The following FYN variants were observed in gnomAD, a reference collection of about 807,000 sequenced individuals.
FYN encodes the protein FYN proto-oncogene, Src family tyrosine kinase.
FYN carries 10 observed loss-of-function variants against 70.2 expected under a neutral mutation model. The observed-to-expected ratio is 0.14, with a 90% CI of 0.09 to 0.24. FYN has a LOEUF of 0.24. Ranked by LOEUF, FYN falls within the 10% of genes least tolerant of loss-of-function variation. The pLI, the probability that FYN is intolerant of heterozygous loss-of-function variation, is 1.00. For missense variants in FYN, 319 were observed against 673.1 expected (o/e 0.47, Z 5.82); for synonymous variants, 236 against 248.6 (o/e 0.95, Z 0.48).
intron 2 of FYN, among the ~76,000 whole-genome samples, chr6:111,799,921 T>C (rs1241270139): frequency 5.9e-5 from 9 of 152,238 alleles, no homozygotes; most frequent in Admixed American, 4.6e-4. Context: ...TGGTTAAATA[T>C]GGACAAACCT....
At chr6:111,700,330 C>A in intron 8 of FYN, 62 bp from the exon 9 acceptor site, 1 of 1,566,044 alleles carries the variant, frequency 6.4e-7, no homozygotes, top group South Asian at 1.1e-5. Flanking sequence ...AATGACAACA[C>A]TCATAAGTGT....
intron 2 of FYN, chr6:111,798,484 T>C (rs746981178): frequency 8.5e-5 from 13 of 152,210 alleles, no homozygotes; most frequent in Non-Finnish European, 1.8e-4. Flanking sequence ...GTGCCTGTCA[T>C]GCTCCTGGCA....
intron 3 of FYN, among the ~76,000 whole-genome samples, chr6:111,722,517 C>T (rs1045188862): frequency 1.3e-5 from 2 of 152,218 alleles, no homozygotes; most frequent in African/African-American, 2.4e-5. Context: ...ACAGAAAACA[C>T]TTCTTGTCCC....
intron 1 of FYN, among the ~76,000 whole-genome samples, chr6:111,870,979 A>C (rs1774254803): frequency 6.6e-6 from 1 of 152,216 alleles, no homozygotes; most frequent in African/African-American, 2.4e-5. Flanking sequence ...AAGTTCCACG[A>C]TGAATGTTCT....
At chr6:111,758,438 G>A (rs972908331) in intron 3 of FYN, among the ~76,000 whole-genome samples, 1 of 152,104 alleles carries the variant, frequency 6.6e-6, no homozygotes, top group Non-Finnish European at 1.5e-5. Flanking sequence ...TACACTAGGG[G>A]TGTATATTAA....
Position 111,785,244 on chromosome 6 carries a change from A to G in FYN, c.-81-4609T>C, listed in dbSNP as rs569384971. ...TGTCCCAACTGTCATCCCATGGGAT[A>G]AGTTTCACACTACATCTCTAGATCT... On this transcript the variant is annotated intron_variant, in intron 2 of 13. Coordinates refer to ENST00000354650, the MANE Select transcript of FYN (RefSeq NM_002037.5). 8.0e-4 allele frequency among the ~76,000 whole-genome samples: 122 copies of G among 152,330 alleles called. 1 individual carries two copies. Among genetic ancestry groups the G allele is most frequent in the Non-Finnish European group, 1.4e-3 (98 of 68,022 alleles).
chr6:111,715,187 G>A (rs1250474142), intron 4 of FYN, among the ~76,000 whole-genome samples: 1 of 151,932 alleles, frequency 6.6e-6, no homozygotes, highest in African/African-American at 2.4e-5. Context: ...GCTAGCAGCA[G>A]CAGAGAATAT....
At chr6:111,702,815 T>C (rs967169481) in intron 8 of FYN, 70 bp downstream of exon 8, 3 of 1,487,460 alleles carry the variant, frequency 2.0e-6, no homozygotes, top group African/African-American at 2.8e-5. Flanking sequence ...CCCTTTCCAC[T>C]TTCCTGCTCT....
intron 3 of FYN, among the ~76,000 whole-genome samples, chr6:111,765,579 C>G (rs1803198220): frequency 6.6e-6 from 1 of 152,186 alleles, no homozygotes; most frequent in Non-Finnish European, 1.5e-5. Context: ...TGGAAGGAAC[C>G]TTTACCTATT....
intron 1 of FYN, among the ~76,000 whole-genome samples, chr6:111,867,169 T>C (rs1774131364): frequency 6.6e-6 from 1 of 152,142 alleles, no homozygotes; most frequent in African/African-American, 2.4e-5. Context: ...GCTAACGAAT[T>C]TATATTCAAG....
intron 2 of FYN, among the ~76,000 whole-genome samples, chr6:111,808,336 T>C (rs138369409): frequency 6.6e-6 from 1 of 152,148 alleles, no homozygotes; most frequent in Non-Finnish European, 1.5e-5. Context: ...CCTGGGCTAG[T>C]ATTGAGGGGG....
At chr6:111,697,227 T>C (rs1305650410) in intron 9 of FYN, among the ~76,000 whole-genome samples, 2 of 152,222 alleles carry the variant, frequency 1.3e-5, no homozygotes, top group Non-Finnish European at 2.9e-5. Context: ...TTGTCCTCAG[T>C]TACCTCATCT....
intron 3 of FYN, among the ~76,000 whole-genome samples, chr6:111,744,402 G>GC (rs1195448184): frequency 2.0e-5 from 3 of 152,214 alleles, no homozygotes; most frequent in Non-Finnish European, 4.4e-5. Context: ...TTTCACAGTG[G>GC]CCTTCAGCCT....
At chr6:111,851,531 C>T (rs987786028) in intron 1 of FYN, among the ~76,000 whole-genome samples, 12 of 152,176 alleles carry the variant, frequency 7.9e-5, no homozygotes, top group African/African-American at 2.4e-4. Flanking sequence ...ACTAACTGCA[C>T]GGTCTGTTTC....
intron 2 of FYN, among the ~76,000 whole-genome samples, chr6:111,843,514 C>T (rs761474514): frequency 6.6e-6 from 1 of 152,300 alleles, no homozygotes; most frequent in Non-Finnish European, 1.5e-5. Context: ...TTCCCTTGTG[C>T]ACTACTGCGT....
At chr6:111,846,730 G>T (rs1216286005) in intron 1 of FYN, 101 bp from the exon 2 acceptor site, 2 of 397,716 alleles carry the variant, frequency 5.0e-6, no homozygotes, top group Admixed American at 8.8e-5. Flanking sequence ...TCCATTTGTT[G>T]CAGACAATCA....
chr6:111,746,281 A>C (rs1802211835), intron 3 of FYN, among the ~76,000 whole-genome samples: 1 of 152,190 alleles, frequency 6.6e-6, no homozygotes, highest in African/African-American at 2.4e-5. Context: ...CCCCATCAAG[A>C]TCTAGAACAT....
chr6:111,860,806 C>T (rs1773942247), intron 1 of FYN, among the ~76,000 whole-genome samples: 1 of 152,174 alleles, frequency 6.6e-6, no homozygotes, highest in South Asian at 2.1e-4. Context: ...AATTCTCAAC[C>T]TCCAAGAGAA....
intron 2 of FYN, among the ~76,000 whole-genome samples, chr6:111,781,923 T>C (rs1430458932): frequency 2.0e-5 from 3 of 152,368 alleles, no homozygotes; most frequent in Non-Finnish European, 4.4e-5. Flanking sequence ...CTTCAGAATA[T>C]CTATAACTAT....
Sources: allele counts gnomAD v4.1 joint callset (sites outside exome capture counted in the v4.1 genomes callset), GRCh38; gene constraint gnomAD v4.1.1; transcripts MANE v1.5; gene names NCBI Gene and HGNC (gene_info 2026-07-23, HGNC 2026-07-21).